The following CSMD1 variants were observed in gnomAD, a reference collection of about 807,000 sequenced individuals.
CSMD1 encodes CUB and sushi domain-containing protein 1.
A neutral mutation model predicts 417.5 loss-of-function variants in CSMD1; 213 were observed. That is an observed-to-expected ratio of 0.51 (90% CI 0.46 to 0.57). The LOEUF is 0.57. CSMD1 is among the 20% of genes least tolerant of loss of function. The pLI is 0.00. For synonymous variants in CSMD1, 2,862 were observed against 1,736.8 expected, an observed-to-expected ratio of 1.65 and a Z score of -16.11; for missense variants, 6,923 against 4,529.7, an observed-to-expected ratio of 1.53 and a Z score of -15.17.
chr8:4,377,858 CTG>C (rs1408099128), intron 3 of CSMD1, among the ~76,000 whole-genome samples: 3 of 152,120 alleles, frequency 2.0e-5, no homozygotes, highest in Non-Finnish European at 4.4e-5. Context: ...ACTTCTGTAA[CTG>C]TGATTACTGC....
At chr8:3,813,571 T>C (rs1183333184) in intron 5 of CSMD1, among the ~76,000 whole-genome samples, 2 of 152,150 alleles carry the variant, frequency 1.3e-5, no homozygotes, top group African/African-American at 4.8e-5. Flanking sequence ...TATAACACAA[T>C]TTAACAAGAA....
intron 5 of CSMD1, among the ~76,000 whole-genome samples, chr8:3,754,796 C>A (rs374704641): frequency 1.8e-4 from 28 of 152,270 alleles, no homozygotes; most frequent in South Asian, 1.0e-3. Context: ...TAGACGCCAA[C>A]AAACTGTTTC....
chr8:4,185,716 C>A (rs748553225), intron 3 of CSMD1, among the ~76,000 whole-genome samples: 31 of 152,234 alleles, frequency 2.0e-4, no homozygotes, highest in Middle Eastern at 3.4e-3. Flanking sequence ...GAAATATGTT[C>A]GTCAGATAGA....
At chr8:3,329,694 CG>C (rs1806770738) in intron 23 of CSMD1, among the ~76,000 whole-genome samples, 1 of 152,126 alleles carries the variant, frequency 6.6e-6, no homozygotes, top group African/African-American at 2.4e-5. Context: ...TGCCCAGCCC[CG>C]GGGCCGCATG....
intron 5 of CSMD1, among the ~76,000 whole-genome samples, chr8:3,863,090 C>T (rs758349853): frequency 6.6e-6 from 1 of 152,076 alleles, no homozygotes; most frequent in African/African-American, 2.4e-5. Flanking sequence ...CAAGAGAGAT[C>T]CCTCAAGCTT....
chr8:4,314,529 C>G (rs1585214435), intron 3 of CSMD1, among the ~76,000 whole-genome samples: 1 of 152,224 alleles, frequency 6.6e-6, no homozygotes, highest in Non-Finnish European at 1.5e-5. Flanking sequence ...TGGGATTTCT[C>G]CCGAAATACT....
intron 3 of CSMD1, among the ~76,000 whole-genome samples, chr8:4,386,975 T>C (rs1222395776): frequency 2.0e-5 from 3 of 152,186 alleles, no homozygotes; most frequent in Non-Finnish European, 2.9e-5. Context: ...CGATTATCTA[T>C]TGTATGAATG....
At chr8:4,156,694 G>C (rs1796853188) in intron 3 of CSMD1, among the ~76,000 whole-genome samples, 1 of 151,996 alleles carries the variant, frequency 6.6e-6, no homozygotes, top group African/African-American at 2.4e-5. Context: ...TACTGTCAGG[G>C]GCCCAAGAAG....
intron 3 of CSMD1, among the ~76,000 whole-genome samples, chr8:4,051,881 T>TC (rs372763456): frequency 0.7 from 93,082 of 133,270 alleles, 31,996 homozygotes; most frequent in South Asian, 0.75. Flanking sequence ...TCCTCCTTTC[T>TC]TCCTTCCTTC....
At chr8:3,721,193 G>A (rs1270022051) in intron 6 of CSMD1, among the ~76,000 whole-genome samples, 4 of 152,060 alleles carry the variant, frequency 2.6e-5, no homozygotes, top group Non-Finnish European at 5.9e-5. Context: ...CAGCCTCTGC[G>A]TGATTTTCAA....
intron 26 of CSMD1, among the ~76,000 whole-genome samples, chr8:3,245,933 A>G (rs1294463537): frequency 6.6e-6 from 1 of 152,210 alleles, no homozygotes; most frequent in African/African-American, 2.4e-5. Context: ...AGCCTATTCA[A>G]CAATAATAGT....
chr8:3,655,781 G>C (rs1798071030), intron 7 of CSMD1, among the ~76,000 whole-genome samples: 1 of 152,052 alleles, frequency 6.6e-6, no homozygotes, highest in Admixed American at 6.6e-5. Context: ...GGCAGGAAAG[G>C]TAGAGTCTAA....
chr8:4,465,675 C>G (rs1267113092), intron 2 of CSMD1, among the ~76,000 whole-genome samples: 1 of 152,136 alleles, frequency 6.6e-6, no homozygotes, highest in Non-Finnish European at 1.5e-5. Context: ...ATGAAATTCA[C>G]TTTATTGCTC....
intron 10 of CSMD1, among the ~76,000 whole-genome samples, chr8:3,495,750 A>G (rs1392140540): frequency 1.3e-5 from 2 of 152,182 alleles, no homozygotes; most frequent in Non-Finnish European, 2.9e-5. Context: ...CTGAAGACAA[A>G]AGGATAATAC....
chr8:4,020,993 T>G (rs1460947093), intron 4 of CSMD1, among the ~76,000 whole-genome samples: 1 of 152,210 alleles, frequency 6.6e-6, no homozygotes, highest in African/African-American at 2.4e-5. Flanking sequence ...TCAGTCTTTA[T>G]GATTAAACTG....
chr8:4,332,970 C>G (rs1016001809), intron 3 of CSMD1, among the ~76,000 whole-genome samples: 1 of 142,390 alleles, frequency 7.0e-6, no homozygotes. Context: ...AAGATTTCTG[C>G]CTTCAGTTTT....
chr8:3,060,694 C>G (rs1268506498), intron 49 of CSMD1, among the ~76,000 whole-genome samples: 1 of 152,114 alleles, frequency 6.6e-6, no homozygotes, highest in Non-Finnish European at 1.5e-5. Context: ...GTGATAGCCC[C>G]CATCATGCTT....
At chr8:4,104,437 T>TAC (rs1801463577) in intron 3 of CSMD1, among the ~76,000 whole-genome samples, 1 of 137,950 alleles carries the variant, frequency 7.2e-6, no homozygotes, top group African/African-American at 2.8e-5. Flanking sequence ...CGCACACGCA[T>TAC]GCACACACAC....
At chr8:3,773,921 G>A (rs925990629) in intron 5 of CSMD1, among the ~76,000 whole-genome samples, 6 of 152,146 alleles carry the variant, frequency 3.9e-5, no homozygotes, top group Non-Finnish European at 8.8e-5. Context: ...CTGTGAGGTT[G>A]AGTAATTTGC....
Sources: gnomAD v4.1 joint callset for allele counts (sites outside exome capture counted in the v4.1 genomes callset) on GRCh38, gnomAD v4.1.1 for gene constraint, MANE v1.5 for transcripts, NCBI Gene and HGNC (gene_info 2026-07-23, HGNC 2026-07-21) for gene names.